XKR7: variants seen among roughly 807,000 people sequenced by gnomAD.
XKR7 encodes XK-related protein 7.
Under a neutral mutation model 42.2 loss-of-function variants are expected in XKR7, and 11 were observed. The observed-to-expected ratio is 0.26, with a 90% CI of 0.16 to 0.43. The LOEUF is 0.43. Ranked by LOEUF, XKR7 falls within the 20% of genes least tolerant of loss-of-function variation. XKR7 has a pLI of 1.00. For missense variants in XKR7, 710 were observed against 802.2 expected (o/e 0.89, Z 1.39); for synonymous variants, 346 against 366.4 (o/e 0.94, Z 0.64).
At chr20:31,993,116 A>G (rs2064576952) in intron 1 of XKR7, among the ~76,000 whole-genome samples, 2 of 150,014 alleles carry the variant, frequency 1.3e-5, no homozygotes, top group African/African-American at 5.0e-5. Context: ...ACACACACAC[A>G]TACACATACA....
chr20:31,996,434 CG>C, intron 2 of XKR7, 70 bp from the exon 3 acceptor site: 1 of 1,144,428 alleles, frequency 8.7e-7, no homozygotes, highest in Non-Finnish European at 1.2e-6. Flanking sequence ...CAGAACCCTC[CG>C]CCTCTCCCCA....
chr20:31,995,411 C>T lies in XKR7; in HGVS notation c.787+141C>T. ...AGTCAGGGTTTAGGGAGGCCTGCCC[C>T]TTCTACCCTCACCACCCTCCAGGCC... On this transcript the variant is annotated intron_variant, in intron 2 of 2. Transcript: ENST00000562532. This position sits in a 1 kb window ranked among gnomAD's most constrained non-coding sequence, Gnocchi z 4.1. The T allele has an allele frequency of 1.4e-6, 2 of 1,385,434 alleles. No homozygotes were observed. The highest frequency in any genetic ancestry group is 2.6e-5 in the East Asian group (1 of 39,020). 85.8% of individuals were successfully genotyped at this position (1,385,434 alleles called of 1,614,324 possible). A position where few individuals can be genotyped will look rare whatever the true frequency, so the allele number is the denominator to read the frequency against.
Position 31,995,002 on chromosome 20 carries a change from G to T in XKR7, c.585-66G>T. Reference sequence around the variant, plus strand: ...TGCCCCCTGCGCCTGTGGGCGGCTCGGGGCTGGTGCGACAGAGCGAGAGGA... The same window carrying T: ...TGCCCCCTGCGCCTGTGGGCGGCTCTGGGCTGGTGCGACAGAGCGAGAGGA... On this transcript the variant is annotated intron_variant, in intron 1 of 2. Coordinates refer to ENST00000562532, the MANE Select transcript of XKR7 (RefSeq NM_001011718.2). The surrounding 1 kb of genome is among the most constrained non-coding windows in gnomAD (Gnocchi z 4.1). 1.3e-6 allele frequency: 2 copies of T among 1,527,600 alleles called. No homozygotes were observed. Among genetic ancestry groups the T allele is most frequent in the South Asian group, 1.2e-5 (1 of 82,136 alleles). 94.6% of individuals were successfully genotyped at this position (1,527,600 alleles called of 1,614,324 possible).
At position 31,980,240 on chromosome 20, in the gene XKR7, G is replaced by A. The variant is rs986854326; in HGVS notation, c.584+11481G>A. 3.6e-4 allele frequency among the ~76,000 whole-genome samples: 55 copies of A among 152,030 alleles called. No homozygotes were observed. The East Asian group carries it at 3.9e-3, about 11-fold the overall frequency. On this transcript the variant is annotated intron_variant, in intron 1 of 2. Coordinates refer to ENST00000562532, the MANE Select transcript of XKR7 (RefSeq NM_001011718.2). ...GCACCACATGAAATGGGAGCCAAACGTGTAAAATCACATTCTTTACTGACA... is the reference window on the plus strand; with the variant it reads ...GCACCACATGAAATGGGAGCCAAACATGTAAAATCACATTCTTTACTGACA...
At chr20:31,976,340 A>G (rs1415437910) in intron 1 of XKR7, among the ~76,000 whole-genome samples, 1 of 152,182 alleles carries the variant, frequency 6.6e-6, no homozygotes, top group Non-Finnish European at 1.5e-5. Flanking sequence ...TCAATCATGT[A>G]TTGTTTAGAG....
At chr20:31,971,818 A>G (rs6058504) in intron 1 of XKR7, among the ~76,000 whole-genome samples, 55,501 of 152,036 alleles carry the variant, frequency 0.37, 12,740 homozygotes, top group African/African-American at 0.65. Context: ...CATAAGATAC[A>G]AGGGGTGTCA....
chr20:31,982,390 C>T (rs181978707), intron 1 of XKR7, among the ~76,000 whole-genome samples: 3 of 151,950 alleles, frequency 2.0e-5, no homozygotes, highest in East Asian at 1.9e-4. Context: ...GGTGTGGTGG[C>T]GCATGCCTGT....
intron 1 of XKR7, among the ~76,000 whole-genome samples, chr20:31,981,580 T>A (rs1352354759): frequency 6.6e-6 from 1 of 152,032 alleles, no homozygotes; most frequent in African/African-American, 2.4e-5. Flanking sequence ...TAATCCCAGC[T>A]ACTCGGGAGG....
intron 1 of XKR7, among the ~76,000 whole-genome samples, chr20:31,984,054 G>A (rs1233677225): frequency 2.0e-5 from 3 of 151,822 alleles, no homozygotes; most frequent in Admixed American, 6.6e-5. Context: ...TTGAGGTCAA[G>A]AGTTTGAGAC....
At position 31,968,945 on chromosome 20, in the gene XKR7, T is replaced by C. The variant is rs2123694651; in HGVS notation, c.584+186T>C. On this transcript the variant is annotated intron_variant, in intron 1 of 2. Transcript: ENST00000562532. The surrounding 1 kb of genome is among the most constrained non-coding windows in gnomAD (Gnocchi z 4.5). ...CTCCCTGACCTCTGCCCCCAAGCCC[T>C]GACCAACCCCAGTGCCATCCGGTCT... Among the ~76,000 whole-genome samples, 1 of 148,220 alleles carries C rather than the reference T, an allele frequency of 6.7e-6. No individual in the cohort carries two copies. Among genetic ancestry groups the C allele is most frequent in the African/African-American group, 2.4e-5 (1 of 40,914 alleles).
chr20:31,973,546 G>A (rs551000514), intron 1 of XKR7, among the ~76,000 whole-genome samples: 1 of 152,282 alleles, frequency 6.6e-6, no homozygotes, highest in Admixed American at 6.5e-5. Flanking sequence ...AGGGAGAGGT[G>A]TGGCTCTTTG....
intron 1 of XKR7, among the ~76,000 whole-genome samples, chr20:31,984,782 C>T (rs754354918): frequency 1.8e-4 from 28 of 152,152 alleles, no homozygotes; most frequent in Admixed American, 3.9e-4. Context: ...CGTAGGCAGC[C>T]GAGGCAACAG....
At chr20:31,990,190 G>GTA (rs1036353703) in intron 1 of XKR7, among the ~76,000 whole-genome samples, 1 of 151,710 alleles carries the variant, frequency 6.6e-6, no homozygotes, top group African/African-American at 2.4e-5. Flanking sequence ...GTGTGTGTGT[G>GTA]TGTGTGTGTG....
Position 31,999,043 on chromosome 20 carries a change from C to CA in XKR7, c.*1587dup, listed in dbSNP as rs2064611416. 1.4e-5 allele frequency: 2 copies of CA among 144,124 alleles called. No individual in the cohort carries two copies. The highest frequency in any genetic ancestry group is 3.1e-5 in the Non-Finnish European group (2 of 65,256). 8.9% of individuals were successfully genotyped at this position (144,124 alleles called of 1,614,324 possible). ...GAACCCAACCCACCCCCCACCCCCC[C>CA]ACACACACACTCCCACAGCAACTTA... On this transcript the variant is annotated 3_prime_UTR_variant, in exon 3 of 3. Coordinates refer to ENST00000562532, the MANE Select transcript of XKR7 (RefSeq NM_001011718.2).
At chr20:31,977,231 C>A (rs2064489545) in intron 1 of XKR7, among the ~76,000 whole-genome samples, 1 of 152,198 alleles carries the variant, frequency 6.6e-6, no homozygotes, top group African/African-American at 2.4e-5. Flanking sequence ...GCAGTAGGTA[C>A]TCAATAAATG....
chr20:31,997,454 G>A lies in XKR7; in HGVS notation c.1737G>A (p.Val579=). Reference sequence around the variant, plus strand: ...AGCTGCTGGAGTATGAGACCACAGTGTAGGCTACAGTGTCCCAGCACAAAA... The same window carrying A: ...AGCTGCTGGAGTATGAGACCACAGTATAGGCTACAGTGTCCCAGCACAAAA... ...SQELLEYETT[V] is the part of the protein sequence containing the mutation. Residue 579 remains valine (V), a synonymous_variant, in exon 3 of 3, where the codon GTG becomes GTA. Transcript: ENST00000562532. 2.5e-6 allele frequency: 4 copies of A among 1,589,474 alleles called. No homozygotes were observed. The highest frequency in any genetic ancestry group is 1.7e-4 in the Middle Eastern group (1 of 5,836).
chr20:31,996,903 G>A lies in XKR7; in HGVS notation c.1186G>A (p.Ala396Thr), dbSNP rs768276713. 1.9e-6 allele frequency: 3 copies of A among 1,613,774 alleles called. No individual in the cohort carries two copies. The highest frequency in any genetic ancestry group is 2.2e-5 in the East Asian group (1 of 44,870). ...CCACTGCATCGTCCTGCTGGAGAAC[G>A]CCGCGCTCACCGGCTTCTGGTACTC... is the stretch of plus-strand genomic sequence containing the variant. Reference protein sequence around the residue: ...LYHCIVLLENAALTGFWYSSR... With the variant: ...LYHCIVLLENTALTGFWYSSR... The change falls in exon 3 of 3, where the codon GCC becomes ACC. Residue 396 changes from alanine to threonine, a missense_variant. Physicochemically the swap from Ala to Thr is moderately conservative, Grantham distance 58 (BLOSUM62 0). Coordinates refer to ENST00000562532, the MANE Select transcript of XKR7 (RefSeq NM_001011718.2).
intron 1 of XKR7, among the ~76,000 whole-genome samples, chr20:31,974,952 T>C (rs970193633): frequency 6.6e-6 from 1 of 152,156 alleles, no homozygotes; most frequent in East Asian, 1.9e-4. Context: ...CCAGCTGCCA[T>C]GGACCATTAG....
At chr20:31,984,816 G>T (rs1321417724) in intron 1 of XKR7, among the ~76,000 whole-genome samples, 1 of 152,194 alleles carries the variant, frequency 6.6e-6, no homozygotes, top group African/African-American at 2.4e-5. Flanking sequence ...GATGAGACTT[G>T]TCCTTCCTCA....
Sources: gnomAD v4.1 joint callset for allele counts (sites outside exome capture counted in the v4.1 genomes callset) on GRCh38, gnomAD v4.1.1 for gene constraint, Gnocchi (gnomAD v3.1) non-coding constraint, MANE v1.5 for transcripts, NCBI Gene and HGNC (gene_info 2026-07-23, HGNC 2026-07-21) for gene names.